Variants in RTKN2 observed in about 807,000 individuals in gnomAD.
RTKN2 encodes the protein rhotekin 2.
In RTKN2, 69 loss-of-function variants were observed where a neutral mutation model predicts 71.5. The ratio of observed to expected loss-of-function variants is 0.96; its 90% CI spans 0.79 to 1.18. The LOEUF (loss-of-function observed/expected upper bound fraction) is 1.18. Among genes scored for constraint, RTKN2 ranks in the 50% most tolerant of loss-of-function variants. The probability of loss-of-function intolerance (pLI) is 0.00; values close to 1 mark genes in which losing one functional copy is unlikely to be tolerated. For missense variants in RTKN2, 724 were observed against 719.7 expected (o/e 1.01, Z -0.07); for synonymous variants, 236 against 236.5 (o/e 1.00, Z 0.02).
Position 62,195,638 on chromosome 10 carries a change from G to GGAAT in RTKN2, c.*2269_*2270insATTC, listed in dbSNP as rs1209820853. 3.9e-5 allele frequency: 22 copies of GGAAT among 566,906 alleles called. No homozygotes were observed. Among genetic ancestry groups the GGAAT allele is most frequent in the African/African-American group, 4.3e-5 (2 of 46,604 alleles). 35.1% of individuals were successfully genotyped at this position (566,906 alleles called of 1,614,324 possible). On this transcript the variant is annotated 3_prime_UTR_variant, in exon 12 of 12. Coordinates refer to ENST00000373789, the MANE Select transcript of RTKN2 (RefSeq NM_145307.4). The stretch of plus-strand genomic sequence containing the variant: ...AGGAAGGAAGGAAGGAAGGAAGGAA[G>GGAAT]GAAGGAAGGAAGGAAGGAAGGAAGG...
chr10:62,226,247 A>G (rs1197900620), intron 6 of RTKN2, among the ~76,000 whole-genome samples: 1 of 152,248 alleles, frequency 6.6e-6, no homozygotes, highest in Non-Finnish European at 1.5e-5. Flanking sequence ...TATATTAATT[A>G]TGCTAGGTGT....
downstream of RTKN2, among the ~76,000 whole-genome samples, chr10:62,191,146 G>C (rs551686768): frequency 9.9e-5 from 15 of 152,146 alleles, no homozygotes; most frequent in Non-Finnish European, 1.9e-4. Flanking sequence ...TAACTCGTTA[G>C]TTTTTTGAGG....
rs184352372 is a variant in RTKN2, at chr10:62,203,440, C to T, written c.1186+1417G>A. On this transcript the variant is annotated intron_variant, in intron 10 of 11. Transcript: ENST00000373789. ...GCTCACTGCAACCTCCACCTCCTGGCTTCAAGCAATTCTCCTGCCTCAGCC... is the reference window on the plus strand; with the variant it reads ...GCTCACTGCAACCTCCACCTCCTGGTTTCAAGCAATTCTCCTGCCTCAGCC... Among the ~76,000 whole-genome samples, 13 of 151,280 alleles carry T rather than the reference C, an allele frequency of 8.6e-5. No homozygotes were observed. In the South Asian group the frequency reaches 1.7e-3, roughly 19 times the overall value.
downstream of RTKN2, among the ~76,000 whole-genome samples, chr10:62,192,108 C>A (rs1015933784): frequency 2.0e-5 from 3 of 151,232 alleles, no homozygotes; most frequent in Admixed American, 6.6e-5. Context: ...AAAAAAGCCC[C>A]AAATCATATA....
chr10:62,239,608 T>G, intron 5 of RTKN2, 40 bp downstream of exon 5: 1 of 932,096 alleles, frequency 1.1e-6, no homozygotes, highest in Non-Finnish European at 1.6e-6. Flanking sequence ...AAGAAGAATT[T>G]TAAATTATTT....
Position 62,246,040 on chromosome 10 carries a change from C to A in RTKN2, c.275G>T (p.Ser92Ile). The A allele has an allele frequency of 1.3e-6, 2 of 1,595,156 alleles. No homozygotes were observed. Among genetic ancestry groups the A allele is most frequent in the Non-Finnish European group, 8.5e-7 (1 of 1,170,618 alleles). The change falls in exon 3 of 12, where the codon AGT (serine) becomes ATT (isoleucine). Residue 92 changes from serine to isoleucine, a missense_variant. By Grantham distance (142) the Ser-to-Ile change is moderately radical. Transcript: ENST00000373789. ...QTGRCDVKFE[S>I]KERTACKGKI... ...TCCTTTACATGCTGTTCGTTCTTTA[C>A]TTTCAAATTTCACATCACTGTCAAA...
At position 62,194,287 on chromosome 10, in the gene RTKN2, G is replaced by C; in HGVS notation, c.*3621C>G. 1.0e-6 allele frequency: 1 copy of C among 983,084 alleles called. No homozygotes were observed. The highest frequency in any genetic ancestry group is 1.2e-6 in the Non-Finnish European group (1 of 827,874). 60.9% of individuals were successfully genotyped at this position (983,084 alleles called of 1,614,324 possible). ...GAACATCTATGATCCAGAATATGCA[G>C]ATTTCATTTAACTATTAATAGCAAT... On this transcript the variant is annotated 3_prime_UTR_variant, in exon 12 of 12. Coordinates refer to ENST00000373789, the MANE Select transcript of RTKN2 (RefSeq NM_145307.4).
At chr10:62,227,476 G>A (rs1413982044) in intron 6 of RTKN2, among the ~76,000 whole-genome samples, 1 of 152,152 alleles carries the variant, frequency 6.6e-6, no homozygotes, top group Non-Finnish European at 1.5e-5. Flanking sequence ...AGGTGTGTTT[G>A]ACAAACAAGG....
chr10:62,237,713 T>C (rs1486013709), intron 5 of RTKN2, among the ~76,000 whole-genome samples: 1 of 151,728 alleles, frequency 6.6e-6, no homozygotes, highest in Non-Finnish European at 1.5e-5. Context: ...CCCCCACTTT[T>C]GTACCTAATA....
intron 6 of RTKN2, among the ~76,000 whole-genome samples, chr10:62,234,362 A>T (rs1348074609): frequency 6.6e-6 from 1 of 151,932 alleles, no homozygotes; most frequent in African/African-American, 2.4e-5. Context: ...CTATCTCTAC[A>T]AGAAAAATAC....
intron 7 of RTKN2, among the ~76,000 whole-genome samples, chr10:62,221,188 G>T (rs1424636816): frequency 1.3e-5 from 2 of 151,102 alleles, no homozygotes; most frequent in Non-Finnish European, 3.0e-5. Context: ...TTAGGGAAAA[G>T]AGTTTAATTG....
intron 6 of RTKN2, among the ~76,000 whole-genome samples, chr10:62,226,084 A>C (rs1041532259): frequency 2.0e-5 from 3 of 152,126 alleles, no homozygotes; most frequent in Non-Finnish European, 4.4e-5. Flanking sequence ...GCCCGGCAAC[A>C]ACTGTATTTT....
At chr10:62,190,985 C>T (rs1841212668), downstream of RTKN2, among the ~76,000 whole-genome samples, 1 of 152,128 alleles carries the variant, frequency 6.6e-6, no homozygotes, top group South Asian at 2.1e-4. Flanking sequence ...GACTACTAAC[C>T]TCCCTTTGAA....
chr10:62,211,620 T>A (rs1169704381), intron 9 of RTKN2, among the ~76,000 whole-genome samples: 3 of 152,170 alleles, frequency 2.0e-5, no homozygotes, highest in African/African-American at 4.8e-5. Context: ...AGCTTAAAGA[T>A]CTTAGAGACC....
chr10:62,268,741 G>C lies in RTKN2; in HGVS notation c.-131C>G, dbSNP rs1842916741. ...AGTCCCAGTCGCAGGGGCCGGGGGC[G>C]CAGGAGGAGCCGGGCCGAAGCGCAC... On this transcript the variant is annotated 5_prime_UTR_variant, in exon 1 of 12. Transcript: ENST00000373789. 1 of 941,382 alleles carries C rather than the reference G, an allele frequency of 1.1e-6. No individual in the cohort carries two copies. 58.3% of individuals were successfully genotyped at this position (941,382 alleles called of 1,614,324 possible).
chr10:62,256,780 G>A (rs1434388971), intron 2 of RTKN2, among the ~76,000 whole-genome samples: 2 of 151,936 alleles, frequency 1.3e-5, no homozygotes, highest in African/African-American at 2.4e-5. Flanking sequence ...CAACCTAGGG[G>A]GAGAATATAC....
intron 3 of RTKN2, among the ~76,000 whole-genome samples, chr10:62,244,118 A>G (rs1429924085): frequency 6.6e-6 from 1 of 152,202 alleles, no homozygotes; most frequent in Non-Finnish European, 1.5e-5. Context: ...ACATTATGAC[A>G]CTTTGTTGCA....
At chr10:62,201,286 T>A (rs192085610) in intron 10 of RTKN2, among the ~76,000 whole-genome samples, 151 of 152,260 alleles carry the variant, frequency 9.9e-4, no homozygotes, top group Admixed American at 8.6e-3. Flanking sequence ...ACTCTCATAG[T>A]AATATGATAA....
rs1842336739 is a variant in RTKN2, at chr10:62,239,816, T to G, written c.371-51A>C. 4 of 869,616 alleles carry G rather than the reference T, an allele frequency of 4.6e-6. No individual in the cohort carries two copies. The East Asian group carries it at 1.0e-4, about 22-fold the overall frequency. The allele number at this position is 869,616 out of a possible 1,614,324, so 53.9% of individuals were successfully genotyped here. ...AGCAACAATCCATGTAATAAATCATTGTTAAAATCTACTTGAAAATAAATA... is the reference window on the plus strand; with the variant it reads ...AGCAACAATCCATGTAATAAATCATGGTTAAAATCTACTTGAAAATAAATA... On this transcript the variant is annotated intron_variant, in intron 4 of 11. Coordinates refer to ENST00000373789, the MANE Select transcript of RTKN2 (RefSeq NM_145307.4).
Sources: allele counts gnomAD v4.1 joint callset (sites outside exome capture counted in the v4.1 genomes callset), GRCh38; gene constraint gnomAD v4.1.1; transcripts MANE v1.5; gene names NCBI Gene and HGNC (gene_info 2026-07-23, HGNC 2026-07-21).